Variants in TGDS observed in about 807,000 individuals in gnomAD.
TGDS encodes TDP-glucose 4,6-dehydratase, also known as UDP-D-glucose 4,6-dehydratase.
TGDS carries 47 observed loss-of-function variants against 52.3 expected under a neutral mutation model. The observed-to-expected ratio is 0.90, with a 90% CI of 0.71 to 1.15. The LOEUF (loss-of-function observed/expected upper bound fraction) is 1.15. Ranked by LOEUF, TGDS falls within the 50% of genes most tolerant of loss-of-function variation. TGDS has a pLI of 0.00. For missense variants in TGDS, 375 were observed against 418.4 expected, an observed-to-expected ratio of 0.90 and a Z score of 0.90; for synonymous variants, 115 against 136.9, an observed-to-expected ratio of 0.84 and a Z score of 1.12.
In TGDS at chr13:94,580,101, TA is replaced by T. The variant is rs772400042; in HGVS notation, c.556-149del. ...AAAGGGAAGAGATTTTTTTCTAACG[TA>T]AGGTTTCTAAAAAGGAGAGAATAGG... On this transcript the variant is annotated intron_variant, in intron 6 of 11. Transcript: ENST00000261296. 1.4e-4 allele frequency: 77 copies of T among 532,764 alleles called. No homozygotes were observed. In the South Asian group the frequency reaches 2.3e-3, roughly 16 times the overall value. 33.0% of individuals were successfully genotyped at this position (532,764 alleles called of 1,614,324 possible).
At chr13:94,592,402 C>T in intron 2 of TGDS, 93 bp from the exon 3 acceptor site, 1 of 962,740 alleles carries the variant, frequency 1.0e-6, no homozygotes, top group Non-Finnish European at 1.5e-6. Flanking sequence ...ACAGATGTTA[C>T]TGGTTACAAT....
chr13:94,592,210 GC>G (rs1566965734), intron 3 of TGDS, 30 bp downstream of exon 3: 1 of 1,514,596 alleles, frequency 6.6e-7, no homozygotes, highest in Admixed American at 1.9e-5. Context: ...GACTAAAGAG[GC>G]ACGGTACAGT....
In TGDS at chr13:94,593,858, T is replaced by C. The variant is rs773350207; in HGVS notation, c.136A>G (p.Ile46Val). The change falls in exon 2 of 12, where the codon ATC becomes GTC. Residue 46 changes from isoleucine to valine, a missense_variant. By Grantham distance (29) the Ile-to-Val change is conservative. Coordinates refer to ENST00000261296, the MANE Select transcript of TGDS (RefSeq NM_014305.4). ...SLVEDYPNYMIINLDKLDYCA... is the reference protein window; with the variant it reads ...SLVEDYPNYMVINLDKLDYCA... ...AAACTCACCTTGTCTAGATTTATGATCATATAGTTTGGATAATCTTCCACT... is the reference window on the plus strand; with the variant it reads ...AAACTCACCTTGTCTAGATTTATGACCATATAGTTTGGATAATCTTCCACT... 6.3e-7 allele frequency: 1 copy of C among 1,576,704 alleles called. No individual in the cohort carries two copies. Among genetic ancestry groups the C allele is most frequent in the South Asian group, 1.2e-5 (1 of 85,910 alleles).
Position 94,592,504 on chromosome 13 carries a change from G to A in TGDS, c.154-195C>T, listed in dbSNP as rs1023801410. Reference sequence around the variant, plus strand: ...GTCTCACTCTGTTGCCCAGGCTGTAGTGCAGTGGCGCAATCTCTGCTCAGC... The same window carrying A: ...GTCTCACTCTGTTGCCCAGGCTGTAATGCAGTGGCGCAATCTCTGCTCAGC... On this transcript the variant is annotated intron_variant, in intron 2 of 11. Transcript: ENST00000261296. Among the ~76,000 whole-genome samples the A allele has an allele frequency of 4.6e-5, 7 of 152,088 alleles. No individual in the cohort carries two copies. The East Asian group carries it at 9.7e-4, about 21-fold the overall frequency.
rs764890113 is a variant in TGDS at position 94,583,161 on chromosome 13, T to C, written c.389A>G (p.His130Arg). Reference protein sequence around the residue: ...YGTHVLVSAAHEARVEKFIYV... With the variant: ...YGTHVLVSAAREARVEKFIYV... Reference sequence around the variant, plus strand: ...AATAAACTTCTCCACTCTGGCTTCATGAGCAGCACTTACCAAAACGTGAGT... The same window carrying C: ...AATAAACTTCTCCACTCTGGCTTCACGAGCAGCACTTACCAAAACGTGAGT... Residue 130 changes from histidine to arginine, a missense_variant, in exon 5 of 12, where the codon CAT becomes CGT. Transcript: ENST00000261296. 12 of 1,614,048 alleles carry C rather than the reference T, an allele frequency of 7.4e-6. No individual in the cohort carries two copies. Among genetic ancestry groups the C allele is most frequent in the South Asian group, 1.1e-5 (1 of 91,046 alleles).
chr13:94,596,148 G>A lies in TGDS; in HGVS notation c.-12C>T, dbSNP rs1460039208. The stretch of plus-strand genomic sequence containing the variant: ...CACGCCGCCGACATCTCCCAGCTCA[G>A]CAGTGCCTAGTACCGTAAAGAGTAT... On this transcript the variant is annotated 5_prime_UTR_variant, in exon 1 of 12. Coordinates refer to ENST00000261296, the MANE Select transcript of TGDS (RefSeq NM_014305.4). The A allele has an allele frequency of 2.0e-5, 33 of 1,613,416 alleles. No individual in the cohort carries two copies. The highest frequency in any genetic ancestry group is 2.5e-5 in the Non-Finnish European group (30 of 1,179,732).
In TGDS at chr13:94,582,910, T is replaced by C. The variant is rs191974325; in HGVS notation, c.456+184A>G. ...GAGACCTTGTGATCGTGTGAGTTAA[T>C]ACTTAATAAATTCCCCTTTATATAT... On this transcript the variant is annotated intron_variant, in intron 5 of 11. Coordinates refer to ENST00000261296, the MANE Select transcript of TGDS (RefSeq NM_014305.4). Among the ~76,000 whole-genome samples, 41 of 152,294 alleles carry C rather than the reference T, an allele frequency of 2.7e-4. No homozygotes were observed. The East Asian group carries it at 7.7e-3, about 29-fold the overall frequency.
intron 4 of TGDS, 96 bp downstream of exon 4, chr13:94,590,757 T>C: frequency 1.0e-6 from 1 of 977,336 alleles, no homozygotes; most frequent in Non-Finnish European, 1.5e-6. Context: ...GTTTTTCTAG[T>C]ACAGTATGAT....
intron 4 of TGDS, among the ~76,000 whole-genome samples, chr13:94,586,800 C>T (rs554872035): frequency 7.1e-6 from 1 of 140,926 alleles, no homozygotes; most frequent in South Asian, 2.3e-4. Flanking sequence ...ATTCTATTGC[C>T]CGGGCTGGAG....
At chr13:94,579,474 A>G (rs1888713733) in intron 7 of TGDS, 1 of 153,868 alleles carries the variant, frequency 6.5e-6, no homozygotes, top group South Asian at 2.1e-4. Flanking sequence ...AAGACAGTTA[A>G]TGTATACAAG....
At chr13:94,576,285 G>GC (rs1315188314) in intron 11 of TGDS, 29 bp downstream of exon 11, 34 of 1,466,580 alleles carry the variant, frequency 2.3e-5, no homozygotes, top group Non-Finnish European at 2.8e-5. Context: ...TTTCTGACTT[G>GC]CCCCCAAAAT....
At chr13:94,594,203 G>A (rs1488647888) in intron 1 of TGDS, among the ~76,000 whole-genome samples, 2 of 152,150 alleles carry the variant, frequency 1.3e-5, no homozygotes, top group African/African-American at 4.8e-5. Flanking sequence ...ATCCATACAG[G>A]TACAAGTATC....
chr13:94,588,568 G>A lies in TGDS; in HGVS notation c.313+2285C>T, dbSNP rs1429356164. Among the ~76,000 whole-genome samples, 25 of 151,892 alleles carry A rather than the reference G, an allele frequency of 1.6e-4. 1 individual carries two copies. The highest frequency in any genetic ancestry group is 1.6e-3 in the Admixed American group (25 of 15,238). ...AAAACTGACAACCTAATAGGAAATG[G>A]TCACGAAACTTAAATGGAAATTTTC... On this transcript the variant is annotated intron_variant, in intron 4 of 11. Coordinates refer to ENST00000261296, the MANE Select transcript of TGDS (RefSeq NM_014305.4).
intron 4 of TGDS, among the ~76,000 whole-genome samples, chr13:94,587,580 G>T (rs531692620): frequency 6.6e-6 from 1 of 152,300 alleles, no homozygotes; most frequent in African/African-American, 2.4e-5. Flanking sequence ...TTCAATAAAT[G>T]ATTTTGAGTC....
intron 5 of TGDS, 88 bp from the exon 6 acceptor site, chr13:94,581,277 C>A (rs1189824301): frequency 3.1e-5 from 27 of 865,232 alleles, no homozygotes; most frequent in Non-Finnish European, 4.3e-5. Context: ...AAATGTCAAT[C>A]ACCAAATTTT....
chr13:94,578,137 G>C lies in TGDS; in HGVS notation c.693C>G (p.Asn231Lys). ...CTACAACATCAGTAGCATAAAGGAA[G>C]TTTCTTGTTTGAAGCCCTGACCCAT... The part of the protein sequence containing the change: ...CIHGSGLQTR[N>K]FLYATDVVEA... The change falls in exon 9 of 12, where the codon AAC becomes AAG. Residue 231 changes from asparagine (N) to lysine (K), a missense_variant. By Grantham distance (94) the Asn-to-Lys change is moderately conservative (BLOSUM62 0). Coordinates refer to ENST00000261296, the MANE Select transcript of TGDS (RefSeq NM_014305.4). 2 of 1,613,744 alleles carry C rather than the reference G, an allele frequency of 1.2e-6. No individual in the cohort carries two copies. Among genetic ancestry groups the C allele is most frequent in the Non-Finnish European group, 1.7e-6 (2 of 1,179,820 alleles).
chr13:94,578,268 TGGGGATCCCAG>T, intron 8 of TGDS, 98 bp from the exon 9 acceptor site: 2 of 1,103,900 alleles, frequency 1.8e-6, no homozygotes, highest in Admixed American at 5.4e-5. Flanking sequence ...CTAATTCCCA[TGGGGATCCCAG>T]AATCTTTACT....
chr13:94,581,239 T>G (rs756337753), intron 5 of TGDS, 50 bp from the exon 6 acceptor site: 1 of 1,260,038 alleles, frequency 7.9e-7, no homozygotes. Context: ...ATTTTAAGTA[T>G]AGAAATCAGA....
At chr13:94,589,482 T>G (rs1029254779) in intron 4 of TGDS, among the ~76,000 whole-genome samples, 1 of 152,020 alleles carries the variant, frequency 6.6e-6, no homozygotes. Flanking sequence ...GCCCGGCTAA[T>G]TTTTTGTACT....
Sources: allele counts gnomAD v4.1 joint callset (sites outside exome capture counted in the v4.1 genomes callset), GRCh38; gene constraint gnomAD v4.1.1; transcripts MANE v1.5; gene names NCBI Gene and HGNC (gene_info 2026-07-23, HGNC 2026-07-21).